HECTD4: variants seen among roughly 807,000 people sequenced by gnomAD.
The protein encoded by HECTD4 is probable E3 ubiquitin-protein ligase HECTD4.
HECTD4 carries 114 observed loss-of-function variants against 471.5 expected under a neutral mutation model. The observed-to-expected ratio is 0.24, with a 90% CI of 0.21 to 0.28. HECTD4 has a LOEUF of 0.28. HECTD4 is among the 10% of genes least tolerant of loss of function. The pLI is 1.00. For synonymous variants in HECTD4, 2,012 were observed against 2,256.0 expected, an observed-to-expected ratio of 0.89 and a Z score of 3.07; for missense variants, 3,866 against 5,651.5, an observed-to-expected ratio of 0.68 and a Z score of 10.13.
At chr12:112,253,913 G>T (rs1195615249) in intron 22 of HECTD4, 130 bp downstream of exon 22, 4 of 837,690 alleles carry the variant, frequency 4.8e-6, no homozygotes, top group East Asian at 2.7e-5. Context: ...GACAGGCCTG[G>T]TAAGGTGGCT....
At chr12:112,221,927 CTT>C (rs755864566) in intron 44 of HECTD4, among the ~76,000 whole-genome samples, 13 of 134,472 alleles carry the variant, frequency 9.7e-5, no homozygotes, top group Admixed American at 2.2e-4. Flanking sequence ...GCTGATTTTT[CTT>C]TTTTTTTTTT....
At chr12:112,321,040 C>T (rs960271620) in intron 1 of HECTD4, among the ~76,000 whole-genome samples, 40 of 152,192 alleles carry the variant, frequency 2.6e-4, no homozygotes, top group African/African-American at 9.4e-4. Flanking sequence ...GACGAGGTTT[C>T]GCCACATTGG....
In HECTD4 at chr12:112,233,059, A is replaced by G; in HGVS notation, c.5942T>C (p.Leu1981Pro). 6.2e-7 allele frequency: 1 copy of G among 1,611,810 alleles called. No individual in the cohort carries two copies. Among genetic ancestry groups the G allele is most frequent in the Non-Finnish European group, 8.5e-7 (1 of 1,179,068 alleles). The change falls in exon 38 of 76, where the codon CTT (leucine) becomes CCT (proline). Residue 1981 changes from leucine (L) to proline (P), a missense_variant. Transcript: ENST00000682272. ...TTTCTCCATGTTGGCGCCAGTACCA[A>G]GTCGGAAGGGCCGTCCTTCTGAACT... is the stretch of plus-strand genomic sequence containing the variant. ...LSSSEGRPFR[L>P]GTGANMEKVV...
intron 10 of HECTD4, 126 bp from the exon 11 acceptor site, chr12:112,273,921 G>T: frequency 9.7e-7 from 1 of 1,025,928 alleles, no homozygotes; most frequent in Non-Finnish European, 1.4e-6. Context: ...CACAACCCTA[G>T]TCCCACAGAT....
rs755128402 is a variant in HECTD4, at chr12:112,172,756, G to A, written c.11700C>T (p.Leu3900=). 5 of 1,613,912 alleles carry A rather than the reference G, an allele frequency of 3.1e-6. No individual in the cohort carries two copies. Among genetic ancestry groups the A allele is most frequent in the Non-Finnish European group, 4.2e-6 (5 of 1,179,906 alleles). The part of the protein sequence containing the change: ...VQYINQLCRH[L]AITPARLHPH... ...GATGGAGCCGTGCGGGTGTGATGGC[G>A]AGGTGGCGGCATAGCTGGTTGATGT... Residue 3900 remains leucine, a synonymous_variant, in exon 67 of 76, where the codon CTC becomes CTT. Transcript: ENST00000682272.
At position 112,235,687 on chromosome 12, in the gene HECTD4, TAAG is replaced by T. The variant is rs776514505; in HGVS notation, c.5539_5541del (p.Leu1847del). The T allele has an allele frequency of 6.2e-7, 1 of 1,613,954 alleles. No individual in the cohort carries two copies. Among genetic ancestry groups the T allele is most frequent in the Non-Finnish European group, 8.5e-7 (1 of 1,179,898 alleles). ...GCCGCCCGGCACAGCTGGAGAATAA[TAAG>T]GACTAGCTTTGGAGACGGGCGTTGG... On this transcript the variant is annotated inframe_deletion, in exon 36 of 76. Coordinates refer to ENST00000682272, the MANE Select transcript of HECTD4 (RefSeq NM_001388303.1). The surrounding 1 kb of genome is among the most constrained non-coding windows in gnomAD (Gnocchi z 5.0).
chr12:112,348,123 T>A (rs776605598), intron 1 of HECTD4, among the ~76,000 whole-genome samples: 56 of 152,158 alleles, frequency 3.7e-4, no homozygotes, highest in Admixed American at 5.9e-4. Context: ...ACTTAAAAAA[T>A]TTTTAAATTT....
chr12:112,381,988 G>A lies in HECTD4; in HGVS notation c.141C>T (p.Ile47=). The A allele has an allele frequency of 1.6e-6, 2 of 1,224,892 alleles. No homozygotes were observed. The highest frequency in any genetic ancestry group is 1.0e-6 in the Non-Finnish European group (1 of 983,448). 75.9% of individuals were successfully genotyped at this position (1,224,892 alleles called of 1,614,324 possible). A position where few individuals can be genotyped will look rare whatever the true frequency, so the allele number is the denominator to read the frequency against. ...VTDLAELPSE[I]LGAPEAADTD... The stretch of plus-strand genomic sequence containing the variant: ...TGTCCGCGGCCTCTGGGGCCCCGAG[G>A]ATCTCGCTGGGCAGCTCGGCCAGGT... Residue 47 remains isoleucine, a synonymous_variant, in exon 1 of 76, where the codon ATC becomes ATT. Coordinates refer to ENST00000682272, the MANE Select transcript of HECTD4 (RefSeq NM_001388303.1). This position sits in a 1 kb window ranked among gnomAD's most constrained non-coding sequence, Gnocchi z 4.1.
At chr12:112,190,691 G>A in intron 60 of HECTD4, 95 bp downstream of exon 60, 1 of 1,167,558 alleles carries the variant, frequency 8.6e-7, no homozygotes, top group Non-Finnish European at 1.2e-6. Context: ...GCTACCTGTG[G>A]CCACTCCCTA....
At chr12:112,217,982 T>G (rs1164985433) in intron 45 of HECTD4, among the ~76,000 whole-genome samples, 3 of 151,954 alleles carry the variant, frequency 2.0e-5, no homozygotes. Flanking sequence ...TTTAAAAAAT[T>G]TATTATTATT....
chr12:112,217,036 G>C lies in HECTD4; in HGVS notation c.7234C>G (p.Gln2412Glu). The change falls in exon 46 of 76, where the codon CAG becomes GAG. Residue 2412 changes from glutamine (Q) to glutamate (E), a missense_variant and splice_region_variant. Coordinates refer to ENST00000682272, the MANE Select transcript of HECTD4 (RefSeq NM_001388303.1). Reference protein sequence around the residue: ...FIYATSPLPVQAPSFYWEIEI... With the variant: ...FIYATSPLPVEAPSFYWEIEI... ...CAGTGTGTCATGTGATGTCTCACCTGAACTGGCAGTGGTGAAGTGGCATAG... is the reference window on the plus strand; with the variant it reads ...CAGTGTGTCATGTGATGTCTCACCTCAACTGGCAGTGGTGAAGTGGCATAG... 1.3e-6 allele frequency: 2 copies of C among 1,583,812 alleles called. No homozygotes were observed. The highest frequency in any genetic ancestry group is 1.1e-5 in the South Asian group (1 of 87,820).
At chr12:112,322,980 G>A in intron 1 of HECTD4, 2 of 173,242 alleles carry the variant, frequency 1.2e-5, no homozygotes, top group Non-Finnish European at 1.2e-5. Flanking sequence ...CCTGAAAGAT[G>A]AGAGAAAACA....
chr12:112,352,917 G>A (rs2036272454), intron 1 of HECTD4, among the ~76,000 whole-genome samples: 1 of 152,126 alleles, frequency 6.6e-6, no homozygotes, highest in South Asian at 2.1e-4. Context: ...CAACATAAGT[G>A]TTTTAAAATA....
intron 67 of HECTD4, among the ~76,000 whole-genome samples, chr12:112,172,178 C>T (rs776895376): frequency 2.9e-4 from 44 of 152,350 alleles, no homozygotes; most frequent in Non-Finnish European, 2.6e-4. Flanking sequence ...GCTGGGATTA[C>T]AGGCATGAGC....
intron 34 of HECTD4, among the ~76,000 whole-genome samples, chr12:112,238,376 C>A (rs896101622): frequency 7.9e-5 from 12 of 152,208 alleles, no homozygotes; most frequent in Non-Finnish European, 1.3e-4. Context: ...CTGCACCCAG[C>A]CCAGGTTTAC....
At chr12:112,350,703 A>G (rs1220312683) in intron 1 of HECTD4, among the ~76,000 whole-genome samples, 3 of 152,234 alleles carry the variant, frequency 2.0e-5, no homozygotes, top group Non-Finnish European at 4.4e-5. Context: ...ATCATAAGAA[A>G]AAATAATACA....
chr12:112,278,405 C>T (rs539338492), intron 9 of HECTD4, among the ~76,000 whole-genome samples: 18 of 152,244 alleles, frequency 1.2e-4, no homozygotes, highest in Admixed American at 7.9e-4. Context: ...ATACTTTATC[C>T]CATTTAACTA....
intron 1 of HECTD4, among the ~76,000 whole-genome samples, chr12:112,337,897 A>G (rs1480752945): frequency 1.3e-5 from 2 of 152,252 alleles, no homozygotes; most frequent in African/African-American, 4.8e-5. Flanking sequence ...TGGTAGAAAT[A>G]GAAATTGGTT....
intron 1 of HECTD4, among the ~76,000 whole-genome samples, chr12:112,372,422 G>T (rs1405399414): frequency 6.6e-6 from 1 of 151,926 alleles, no homozygotes; most frequent in Non-Finnish European, 1.5e-5. Flanking sequence ...ACCATGCCCG[G>T]CTAATTTTTT....
Sources: gnomAD v4.1 joint callset for allele counts (sites outside exome capture counted in the v4.1 genomes callset) on GRCh38, gnomAD v4.1.1 for gene constraint, Gnocchi (gnomAD v3.1) non-coding constraint, MANE v1.5 for transcripts, NCBI Gene and HGNC (gene_info 2026-07-23, HGNC 2026-07-21) for gene names.